HCRTR2: variants seen among roughly 807,000 people sequenced by gnomAD.
HCRTR2 encodes orexin receptor type 2.
A neutral mutation model predicts 49.0 loss-of-function variants in HCRTR2; 22 were observed. The observed-to-expected ratio is 0.45, with a 90% CI of 0.32 to 0.64. The LOEUF (loss-of-function observed/expected upper bound fraction) is 0.64, where lower values mean the gene tolerates loss of function less well. Ranked by LOEUF, HCRTR2 falls within the 30% of genes least tolerant of loss-of-function variation. The probability of loss-of-function intolerance (pLI) is 0.04; values close to 1 mark genes in which losing one functional copy is unlikely to be tolerated. For missense variants in HCRTR2, 491 were observed against 559.4 expected (o/e 0.88, Z 1.23); for synonymous variants, 236 against 205.3 (o/e 1.15, Z -1.28).
intron 1 of HCRTR2, among the ~76,000 whole-genome samples, chr6:55,202,038 A>G (rs145119643): frequency 6.6e-6 from 1 of 152,300 alleles, no homozygotes; most frequent in East Asian, 1.9e-4. Context: ...AATTAAATGT[A>G]AGTTCCTGCA....
At chr6:55,188,968 G>A (rs1765271309) in intron 1 of HCRTR2, among the ~76,000 whole-genome samples, 1 of 152,208 alleles carries the variant, frequency 6.6e-6, no homozygotes, top group South Asian at 2.1e-4. Flanking sequence ...TTAAATGCAT[G>A]ATAGCTTGAA....
intron 1 of HCRTR2, among the ~76,000 whole-genome samples, chr6:55,242,623 T>C (rs1766357917): frequency 6.6e-6 from 1 of 152,232 alleles, no homozygotes. Flanking sequence ...ATAAATTTTA[T>C]AGTCAATTAT....
At chr6:55,112,141 T>C (rs772642224) in intron 1 of HCRTR2, among the ~76,000 whole-genome samples, 1 of 151,816 alleles carries the variant, frequency 6.6e-6, no homozygotes, top group African/African-American at 2.4e-5. Flanking sequence ...AAGGAACATA[T>C]CTTAGGGTAA....
At chr6:55,153,303 A>T (rs1764687116) in intron 1 of HCRTR2, among the ~76,000 whole-genome samples, 1 of 152,060 alleles carries the variant, frequency 6.6e-6, no homozygotes, top group Non-Finnish European at 1.5e-5. Context: ...CAAACACTAT[A>T]GAGTGTAGTT....
At chr6:55,167,047 A>G (rs1764887647) in intron 1 of HCRTR2, among the ~76,000 whole-genome samples, 1 of 152,184 alleles carries the variant, frequency 6.6e-6, no homozygotes, top group Admixed American at 6.5e-5. Flanking sequence ...ATCAGTAGTT[A>G]TGAGGTTTCT....
intron 1 of HCRTR2, among the ~76,000 whole-genome samples, chr6:55,179,128 A>G (rs928598905): frequency 6.6e-6 from 1 of 152,170 alleles, no homozygotes; most frequent in Non-Finnish European, 1.5e-5. Flanking sequence ...TGTGTCAGAT[A>G]TGTAAGTGGT....
chr6:55,175,629 A>C (rs1168526083), intron 1 of HCRTR2, among the ~76,000 whole-genome samples: 1 of 151,746 alleles, frequency 6.6e-6, no homozygotes, highest in Admixed American at 6.6e-5. Context: ...ATGCTAGGCT[A>C]TTTGTCCCGG....
intron 1 of HCRTR2, among the ~76,000 whole-genome samples, chr6:55,243,515 A>T: frequency 6.6e-6 from 1 of 152,206 alleles, no homozygotes; most frequent in East Asian, 1.9e-4. Context: ...GATTTCACTC[A>T]AAAGAAATGA....
intron 1 of HCRTR2, among the ~76,000 whole-genome samples, chr6:55,124,407 CCA>C: frequency 6.6e-6 from 1 of 152,176 alleles, no homozygotes; most frequent in Non-Finnish European, 1.5e-5. Flanking sequence ...TGTTCAGTTT[CCA>C]TGCAGTTGTG....
chr6:55,125,498 G>A (rs962954708), intron 1 of HCRTR2, among the ~76,000 whole-genome samples: 3 of 152,146 alleles, frequency 2.0e-5, no homozygotes, highest in Non-Finnish European at 2.9e-5. Context: ...AGTCTGATGG[G>A]CTTCCCTTTG....
intron 1 of HCRTR2, among the ~76,000 whole-genome samples, chr6:55,176,120 G>A (rs945571750): frequency 2.6e-5 from 4 of 152,142 alleles, no homozygotes; most frequent in African/African-American, 9.7e-5. Context: ...GTGTTGGTCT[G>A]GGTAGAAATC....
intron 1 of HCRTR2, among the ~76,000 whole-genome samples, chr6:55,226,847 T>C (rs1766017289): frequency 6.6e-6 from 1 of 150,454 alleles, no homozygotes. Flanking sequence ...GCCTCCCGAG[T>C]AGCTGGGACT....
At chr6:55,218,344 A>C (rs903668736) in intron 1 of HCRTR2, among the ~76,000 whole-genome samples, 1 of 152,220 alleles carries the variant, frequency 6.6e-6, no homozygotes, top group Non-Finnish European at 1.5e-5. Flanking sequence ...TAAGAGAGCA[A>C]AATACAGATA....
chr6:55,118,618 T>C (rs2127236590), intron 1 of HCRTR2, among the ~76,000 whole-genome samples: 1 of 152,072 alleles, frequency 6.6e-6, no homozygotes, highest in Non-Finnish European at 1.5e-5. Context: ...TAGTATCTCA[T>C]TGTGGTTTTG....
intron 1 of HCRTR2, among the ~76,000 whole-genome samples, chr6:55,113,207 A>G (rs1764073958): frequency 6.6e-6 from 1 of 152,108 alleles, no homozygotes. Flanking sequence ...ACCCTTCTAG[A>G]CATTGGCTTA....
intron 1 of HCRTR2, among the ~76,000 whole-genome samples, chr6:55,189,350 T>C (rs531360077): frequency 7.2e-5 from 11 of 152,118 alleles, no homozygotes; most frequent in African/African-American, 2.7e-4. Context: ...GCAGTTGTTG[T>C]GAGAATGAAG....
At chr6:55,176,629 C>G (rs1329181552) in intron 1 of HCRTR2, among the ~76,000 whole-genome samples, 1 of 152,108 alleles carries the variant, frequency 6.6e-6, no homozygotes, top group Non-Finnish European at 1.5e-5. Flanking sequence ...GAAGAAGAAA[C>G]AAGACTTAGA....
At position 55,120,663 on chromosome 6, in the gene HCRTR2, A is replaced by G. The variant is rs533317154; in HGVS notation, c.-378+14118A>G. 7.9e-3 allele frequency among the ~76,000 whole-genome samples: 1,134 copies of G among 144,178 alleles called. 1 individual carries two copies. Among genetic ancestry groups the G allele is most frequent in the African/African-American group, 0.03 (1,041 of 34,224 alleles). The allele number at this position is 144,178 out of a possible 152,430, so 94.6% of individuals were successfully genotyped here. On this transcript the variant is annotated intron_variant, in intron 1 of 7. Transcript: ENST00000615358. ...TACGGAGATTTGGAGCTGAGATGAT[A>G]GGGTTTTCTAAATATACAATCATGT... is the stretch of plus-strand genomic sequence containing the variant.
At chr6:55,110,440 G>A (rs1298442114) in intron 1 of HCRTR2, among the ~76,000 whole-genome samples, 1 of 151,988 alleles carries the variant, frequency 6.6e-6, no homozygotes, top group Non-Finnish European at 1.5e-5. Flanking sequence ...TGGGAGAATG[G>A]ATAAAAATTC....
Sources: allele counts gnomAD v4.1 joint callset (sites outside exome capture counted in the v4.1 genomes callset), GRCh38; gene constraint gnomAD v4.1.1; transcripts MANE v1.5; gene names NCBI Gene and HGNC (gene_info 2026-07-23, HGNC 2026-07-21).